The following HMCES variants were observed in gnomAD, a reference collection of about 807,000 sequenced individuals.
HMCES encodes abasic site processing protein HMCES.
In HMCES, 27 loss-of-function variants were observed where a neutral mutation model predicts 35.1. The ratio of observed to expected loss-of-function variants is 0.77; its 90% CI spans 0.57 to 1.06. HMCES has a LOEUF of 1.06. Among genes scored for constraint, HMCES ranks in the 50% least tolerant of loss-of-function variants. The pLI is 0.00. For synonymous variants in HMCES, 130 were observed against 154.7 expected (o/e 0.84, Z 1.18); for missense variants, 391 against 430.4 (o/e 0.91, Z 0.81).
chr3:129,279,749 C>G lies in HMCES; in HGVS notation c.17C>G (p.Ser6Cys). 8 of 1,612,898 alleles carry G rather than the reference C, an allele frequency of 5.0e-6. No individual in the cohort carries two copies. The highest frequency in any genetic ancestry group is 6.8e-6 in the Non-Finnish European group (8 of 1,179,602). ...TGTTGAAGAATGTGTGGGCGAACAT[C>G]CTGTCACTTACCTAGAGATGTTCTC... The part of the protein sequence containing the change: MCGRT[S>C]CHLPRDVLTR... The change falls in exon 2 of 7, where the codon TCC (serine) becomes TGC (cysteine). Residue 6 changes from serine (S) to cysteine (C), a missense_variant. Transcript: ENST00000383463. This position sits in a 1 kb window ranked among gnomAD's most constrained non-coding sequence, Gnocchi z 4.2.
At chr3:129,299,761 C>T (rs1347345123) in intron 5 of HMCES, among the ~76,000 whole-genome samples, 1 of 149,770 alleles carries the variant, frequency 6.7e-6, no homozygotes, top group Non-Finnish European at 1.5e-5. Context: ...ACACCATTCT[C>T]CTGCCTCAGC....
chr3:129,302,139 A>G lies in HMCES; in HGVS notation c.825A>G (p.Lys275=). 1 of 1,611,532 alleles carries G rather than the reference A, an allele frequency of 6.2e-7. No individual in the cohort carries two copies. Among genetic ancestry groups the G allele is most frequent in the Non-Finnish European group, 8.5e-7 (1 of 1,179,038 alleles). The stretch of plus-strand genomic sequence containing the variant: ...TGGCTCCTGTCGACTTGGTGGTCAA[A>G]AAGGTAGGGGCCTGTGACTGGTACA... ...ECLAPVDLVV[K]KELRASGSSQ... Residue 275 remains lysine (K), a synonymous_variant, in exon 6 of 7, where the codon AAA becomes AAG. Transcript: ENST00000383463.
At chr3:129,298,598 T>C in intron 5 of HMCES, 63 bp downstream of exon 5, 1 of 1,437,326 alleles carries the variant, frequency 7.0e-7, no homozygotes, top group Non-Finnish European at 9.6e-7. Context: ...CCTCTGCTTT[T>C]AGGTAGCTTT....
At chr3:129,299,152 AATAC>A (rs1326239051) in intron 5 of HMCES, among the ~76,000 whole-genome samples, 2 of 152,304 alleles carry the variant, frequency 1.3e-5, no homozygotes, top group East Asian at 1.9e-4. Context: ...CATCTCAATA[AATAC>A]ATACATACAT....
chr3:129,291,348 C>T (rs2071013370), intron 4 of HMCES, among the ~76,000 whole-genome samples: 1 of 152,172 alleles, frequency 6.6e-6, no homozygotes, highest in South Asian at 2.1e-4. Context: ...TTTTATCACT[C>T]TAGAAGGAAA....
chr3:129,304,472 A>G, intron 6 of HMCES, 117 bp from the exon 7 acceptor site: 1 of 843,010 alleles, frequency 1.2e-6, no homozygotes, highest in South Asian at 1.6e-5. Flanking sequence ...GGCCCTTAGT[A>G]ACATTTTCCA....
intron 5 of HMCES, among the ~76,000 whole-genome samples, chr3:129,299,648 C>CTTTTTTTTT (rs34382705): frequency 9.1e-6 from 1 of 110,106 alleles, no homozygotes; most frequent in Non-Finnish European, 1.8e-5. Flanking sequence ...ATAGGTGCTT[C>CTTTTTTTTT]TTTTTTTTTT....
chr3:129,283,633 C>A (rs180811753), intron 2 of HMCES, among the ~76,000 whole-genome samples: 65 of 152,110 alleles, frequency 4.3e-4, no homozygotes, highest in East Asian at 2.9e-3. Context: ...GAGTTGTAGA[C>A]CAGCCTGACC....
intron 5 of HMCES, among the ~76,000 whole-genome samples, chr3:129,301,527 T>C (rs978042106): frequency 6.6e-6 from 1 of 152,248 alleles, no homozygotes; most frequent in African/African-American, 2.4e-5. Context: ...ACAGCTTCTC[T>C]GCTTTTCTGA....
chr3:129,304,686 C>CA lies in HMCES; in HGVS notation c.927dup (p.Asp310ArgfsTer63). On this transcript the variant is annotated frameshift_variant, in exon 7 of 7. Transcript: ENST00000383463. LOFTEE classifies it low-confidence loss of function (END_TRUNC). ...TCAAAAACACCTCAAAAGGAAGAGT[C>CA]AGATGTTCCCCAGTGGTCCAGTCAG... 1 of 1,614,196 alleles carries CA rather than the reference C, an allele frequency of 6.2e-7. No homozygotes were observed.
chr3:129,301,183 C>A, intron 5 of HMCES, among the ~76,000 whole-genome samples: 1 of 118,960 alleles, frequency 8.4e-6, no homozygotes, highest in Non-Finnish European at 1.6e-5. Context: ...CACAGCAAGA[C>A]TCTGTCTCAA....
In HMCES at chr3:129,304,867, C is replaced by A; in HGVS notation, c.*42C>A. 1 of 1,451,406 alleles carries A rather than the reference C, an allele frequency of 6.9e-7. No individual in the cohort carries two copies. The allele number at this position is 1,451,406 out of a possible 1,614,324, so 89.9% of individuals were successfully genotyped here. A position where few individuals can be genotyped will look rare whatever the true frequency, so the allele number is the denominator to read the frequency against. ...ACCAAGGCCAGGGTCTGCTGCACTG[C>A]TGTTCTGATAATAGGTTCTTAACAT... is the stretch of plus-strand genomic sequence containing the variant. On this transcript the variant is annotated 3_prime_UTR_variant, in exon 7 of 7. Transcript: ENST00000383463.
rs1940385820 is a variant in HMCES, at chr3:129,279,277, C to A, written c.-24+372C>A. The A allele has an allele frequency of 5.9e-6, 1 of 169,336 alleles. No individual in the cohort carries two copies. Among genetic ancestry groups the A allele is most frequent in the Non-Finnish European group, 1.3e-5 (1 of 78,722 alleles). 10.5% of individuals were successfully genotyped at this position (169,336 alleles called of 1,614,324 possible). A position where few individuals can be genotyped will look rare whatever the true frequency, so the allele number is the denominator to read the frequency against. ...GGGATTCTGCACCCCGGCCCCGGGC[C>A]GTCCAGTGGCCGCCCTCGAGGTGAC... On this transcript the variant is annotated intron_variant, in intron 1 of 6. Coordinates refer to ENST00000383463, the MANE Select transcript of HMCES (RefSeq NM_020187.3). The surrounding 1 kb of genome is among the most constrained non-coding windows in gnomAD (Gnocchi z 4.2).
chr3:129,280,021 C>A, intron 2 of HMCES, 106 bp downstream of exon 2: 1 of 955,082 alleles, frequency 1.0e-6, no homozygotes. Context: ...AAAAACCAGC[C>A]TTTACTGATA....
intron 4 of HMCES, 72 bp downstream of exon 4, chr3:129,290,876 T>C (rs1411101974): frequency 6.9e-7 from 1 of 1,442,858 alleles, no homozygotes; most frequent in Non-Finnish European, 9.6e-7. Flanking sequence ...AGGACATTTT[T>C]TTCTTCCCCA....
intron 4 of HMCES, among the ~76,000 whole-genome samples, chr3:129,295,582 G>C (rs951113894): frequency 6.6e-6 from 1 of 152,066 alleles, no homozygotes. Context: ...ACCACTGTCT[G>C]GTATTTTTCA....
chr3:129,304,152 G>A (rs768245402), intron 6 of HMCES, among the ~76,000 whole-genome samples: 1 of 152,184 alleles, frequency 6.6e-6, no homozygotes, highest in Non-Finnish European at 1.5e-5. Context: ...GAAGCAGAAG[G>A]GAGTAGTGAC....
chr3:129,284,689 G>T (rs1204686421), intron 2 of HMCES, among the ~76,000 whole-genome samples: 1 of 152,166 alleles, frequency 6.6e-6, no homozygotes, highest in South Asian at 2.1e-4. Context: ...GAGGCAGGCG[G>T]ATCACTTGAG....
chr3:129,287,209 GTTTT>G (rs1250366064), intron 2 of HMCES, among the ~76,000 whole-genome samples: 68 of 149,154 alleles, frequency 4.6e-4, no homozygotes, highest in African/African-American at 1.7e-3. Context: ...TTTTTGTGGG[GTTTT>G]TTTGTTTTGT....
Sources: gnomAD v4.1 joint callset for allele counts (sites outside exome capture counted in the v4.1 genomes callset) on GRCh38, gnomAD v4.1.1 for gene constraint, Gnocchi (gnomAD v3.1) non-coding constraint, MANE v1.5 for transcripts, NCBI Gene and HGNC (gene_info 2026-07-23, HGNC 2026-07-21) for gene names.